Variants in GABPB2 observed in about 807,000 individuals in gnomAD.
GABPB2 encodes GA-binding protein subunit beta-2.
In GABPB2, 23 loss-of-function variants were observed where a neutral mutation model predicts 39.1. That is an observed-to-expected ratio of 0.59 (90% CI 0.42 to 0.83). GABPB2 has a LOEUF of 0.83. Ranked by LOEUF, GABPB2 falls within the 40% of genes least tolerant of loss-of-function variation. GABPB2 has a pLI of 0.00. For missense variants in GABPB2, 467 were observed against 541.1 expected, an observed-to-expected ratio of 0.86 and a Z score of 1.36; for synonymous variants, 184 against 199.3, an observed-to-expected ratio of 0.92 and a Z score of 0.65.
chr1:151,084,363 C>T lies in GABPB2; in HGVS notation c.1-3827C>T, dbSNP rs587642496. On this transcript the variant is annotated intron_variant, in intron 1 of 8. Coordinates refer to ENST00000368918, the MANE Select transcript of GABPB2 (RefSeq NM_144618.3). ...CAGCCTTCCTGAGTAGCTGGGATTA[C>T]AGGCATGCGCCACCATGCCCGGCTA... Among the ~76,000 whole-genome samples, 6 of 151,628 alleles carry T rather than the reference C, an allele frequency of 4.0e-5. No individual in the cohort carries two copies. In the East Asian group the frequency reaches 1.2e-3, roughly 30 times the overall value.
chr1:151,097,016 A>G (rs587736817), intron 4 of GABPB2, among the ~76,000 whole-genome samples: 9 of 152,110 alleles, frequency 5.9e-5, no homozygotes, highest in South Asian at 2.1e-4. Context: ...GGTTCAAGCA[A>G]TTCTCCTGCC....
chr1:151,102,284 G>T (rs1679586397), intron 5 of GABPB2, among the ~76,000 whole-genome samples: 1 of 152,242 alleles, frequency 6.6e-6, no homozygotes, highest in Admixed American at 6.5e-5. Flanking sequence ...CCGTGCTACT[G>T]CACTCCAGCC....
At chr1:151,074,265 G>C (rs995595187) in intron 1 of GABPB2, among the ~76,000 whole-genome samples, 2 of 148,296 alleles carry the variant, frequency 1.3e-5, no homozygotes, top group African/African-American at 5.0e-5. Flanking sequence ...GTGAGCCACC[G>C]CGCCCGGCTG....
Position 151,113,285 on chromosome 1 carries a change from G to A in GABPB2, c.923-4107G>A, listed in dbSNP as rs768186958. 2.6e-5 allele frequency among the ~76,000 whole-genome samples: 4 copies of A among 151,692 alleles called. 1 individual carries two copies. The highest frequency in any genetic ancestry group is 6.4e-3 in the Middle Eastern group (2 of 314). ...AGATCGAGACCATCCTGGCTAACGC[G>A]GTGAAACCCTGTCTCTACTAAAAAT... On this transcript the variant is annotated intron_variant, in intron 7 of 8. Transcript: ENST00000368918.
chr1:151,116,401 C>CA (rs11430501), intron 7 of GABPB2, among the ~76,000 whole-genome samples: 92,149 of 124,132 alleles, frequency 0.74, 33,012 homozygotes, highest in East Asian at 0.88. Context: ...AATTCCATCT[C>CA]AAAAAAAAAA....
At chr1:151,113,321 T>C (rs1309970151) in intron 7 of GABPB2, among the ~76,000 whole-genome samples, 11 of 151,898 alleles carry the variant, frequency 7.2e-5, no homozygotes, top group Non-Finnish European at 1.3e-4. Flanking sequence ...ACAAAAAAAT[T>C]AGCCAGGCCT....
Position 151,122,460 on chromosome 1 carries a change from C to T in GABPB2, c.*4204C>T, listed in dbSNP as rs190250384. The T allele has an allele frequency of 6.6e-6, 1 of 151,722 alleles. No homozygotes were observed. The highest frequency in any genetic ancestry group is 1.5e-5 in the Non-Finnish European group (1 of 67,976). 9.4% of individuals were successfully genotyped at this position (151,722 alleles called of 1,614,324 possible). A position where few individuals can be genotyped will look rare whatever the true frequency, so the allele number is the denominator to read the frequency against. Reference sequence around the variant, plus strand: ...AGCTGTTATGTGTGGGATTTCGGAGCCTTACTTTAACGATAGAGGAACCAA... The same window carrying T: ...AGCTGTTATGTGTGGGATTTCGGAGTCTTACTTTAACGATAGAGGAACCAA... On this transcript the variant is annotated 3_prime_UTR_variant, in exon 9 of 9. Transcript: ENST00000368918.
rs1057361749 is a variant in GABPB2, at chr1:151,118,438, G to A, written c.*182G>A. 3 of 551,276 alleles carry A rather than the reference G, an allele frequency of 5.4e-6. No homozygotes were observed. The highest frequency in any genetic ancestry group is 1.9e-5 in the African/African-American group (1 of 53,148). The allele number at this position is 551,276 out of a possible 1,614,324, so 34.1% of individuals were successfully genotyped here. ...TAGAAAATTCAAAGCCATATTTAGG[G>A]AACATTTTTTCTGAGGGGCCAAAAG... On this transcript the variant is annotated 3_prime_UTR_variant, in exon 9 of 9. Transcript: ENST00000368918.
chr1:151,093,525 CA>C, intron 4 of GABPB2, 139 bp downstream of exon 4: 1 of 570,882 alleles, frequency 1.8e-6, no homozygotes. Context: ...GACTCAGTGT[CA>C]TTAGTATCTT....
chr1:151,091,537 C>CAAT (rs1678712862), intron 3 of GABPB2, among the ~76,000 whole-genome samples: 1 of 138,026 alleles, frequency 7.2e-6, no homozygotes, highest in South Asian at 2.4e-4. Context: ...TGCGGTGGCA[C>CAAT]AATCTTGGCT....
At chr1:151,078,806 A>G (rs928881486) in intron 1 of GABPB2, among the ~76,000 whole-genome samples, 2 of 151,326 alleles carry the variant, frequency 1.3e-5, no homozygotes, top group Non-Finnish European at 2.9e-5. Context: ...CACCTGGCTA[A>G]TTTTTGTATT....
intron 1 of GABPB2, among the ~76,000 whole-genome samples, chr1:151,072,737 C>T (rs931593771): frequency 6.6e-6 from 1 of 152,264 alleles, no homozygotes; most frequent in East Asian, 1.9e-4. Flanking sequence ...ATCCCAGCTA[C>T]CCAGGAGGCT....
At position 151,118,024 on chromosome 1, in the gene GABPB2, G is replaced by A. The variant is rs756909765; in HGVS notation, c.1115G>A (p.Arg372Gln). 29 of 1,614,010 alleles carry A rather than the reference G, an allele frequency of 1.8e-5. No individual in the cohort carries two copies. Among genetic ancestry groups the A allele is most frequent in the African/African-American group, 1.2e-4 (9 of 74,908 alleles). ...QEANRRAQEYRHQLLKKEQEA... is the reference protein window; with the variant it reads ...QEANRRAQEYQHQLLKKEQEA... ...GCCAATCGAAGAGCCCAGGAATACC[G>A]ACACCAGCTCCTAAAGAAAGAGCAG... Residue 372 changes from arginine (R) to glutamine (Q), a missense_variant, in exon 9 of 9, where the codon CGA becomes CAA. By Grantham distance (43) the Arg-to-Gln change is conservative (BLOSUM62 1). Transcript: ENST00000368918.
chr1:151,101,662 C>T (rs1679537696), intron 5 of GABPB2, among the ~76,000 whole-genome samples: 1 of 152,072 alleles, frequency 6.6e-6, no homozygotes, highest in Non-Finnish European at 1.5e-5. Flanking sequence ...ACTAACAAAG[C>T]TTAATGTCAT....
intron 5 of GABPB2, among the ~76,000 whole-genome samples, chr1:151,100,691 C>T (rs1466148146): frequency 7.4e-6 from 1 of 134,950 alleles, no homozygotes; most frequent in Admixed American, 8.8e-5. Context: ...CAGGTTCAAG[C>T]GATTCTTGTG....
rs926458485 is a variant in GABPB2 at position 151,100,080 on chromosome 1, A to C, written c.622+2078A>C. ...AACTTTACATTAAATTTATATATAC[A>C]TGTAATCAGAACATTCACAATCTTT... is the stretch of plus-strand genomic sequence containing the variant. On this transcript the variant is annotated intron_variant, in intron 5 of 8. Transcript: ENST00000368918. Among the ~76,000 whole-genome samples, 20 of 152,120 alleles carry C rather than the reference A, an allele frequency of 1.3e-4. 1 individual carries two copies. The highest frequency in any genetic ancestry group is 6.6e-4 in the Admixed American group (10 of 15,254).
chr1:151,077,719 G>A (rs1399396971), intron 1 of GABPB2, among the ~76,000 whole-genome samples: 1 of 151,476 alleles, frequency 6.6e-6, no homozygotes, highest in African/African-American at 2.4e-5. Flanking sequence ...TTGGGAAACC[G>A]AGGCAGGTGG....
At chr1:151,077,135 G>T (rs1677235511) in intron 1 of GABPB2, among the ~76,000 whole-genome samples, 1 of 151,974 alleles carries the variant, frequency 6.6e-6, no homozygotes, top group Admixed American at 6.6e-5. Flanking sequence ...TTTTTAAATT[G>T]GCTTTGAAAG....
At chr1:151,100,727 A>G (rs1301133972) in intron 5 of GABPB2, among the ~76,000 whole-genome samples, 2 of 148,958 alleles carry the variant, frequency 1.3e-5, no homozygotes. Context: ...TAGCTGGGAT[A>G]CTGGTGCCTG....
Sources: gnomAD v4.1 joint callset for allele counts (sites outside exome capture counted in the v4.1 genomes callset) on GRCh38, gnomAD v4.1.1 for gene constraint, MANE v1.5 for transcripts, NCBI Gene and HGNC (gene_info 2026-07-23, HGNC 2026-07-21) for gene names.